LPAR5: variants seen among roughly 807,000 people sequenced by gnomAD.
The protein encoded by LPAR5 is lysophosphatidic acid receptor 5, also known as G protein-coupled receptor 92.
For missense variants in LPAR5, 544 were observed against 521.8 expected (o/e 1.04, Z -0.41); for synonymous variants, 271 against 261.6 (o/e 1.04, Z -0.35).
intron 1 of LPAR5, among the ~76,000 whole-genome samples, chr12:6,635,688 C>G (rs1011605403): frequency 1.3e-5 from 2 of 152,132 alleles, no homozygotes; most frequent in African/African-American, 4.8e-5. Flanking sequence ...CAAAGAGGAG[C>G]ACTCCCGAGG....
At position 6,620,990 on chromosome 12, in the gene LPAR5, A is replaced by G; in HGVS notation, c.259T>C (p.Trp87Arg). Residue 87 changes from tryptophan to arginine, a missense_variant, in exon 2 of 2, where the codon TGG becomes CGG. By Grantham distance (101) the Trp-to-Arg change is moderately radical. Transcript: ENST00000329858. This position sits in a 1 kb window ranked among gnomAD's most constrained non-coding sequence, Gnocchi z 6.8. The stretch of plus-strand genomic sequence containing the variant: ...TGGCACAGGAGGTCGGGGAAGGGCC[A>G]GTGGTGCAGTGCGTAGTAGGAGAGA... ...VRLSYYALHH[W>R]PFPDLLCQTT... is the part of the protein sequence containing the mutation. The G allele has an allele frequency of 6.2e-7, 1 of 1,613,564 alleles. No individual in the cohort carries two copies. The highest frequency in any genetic ancestry group is 8.5e-7 in the Non-Finnish European group (1 of 1,179,808).
Position 6,621,475 on chromosome 12 carries a change from A to T in LPAR5, c.-216-11T>A. Reference sequence around the variant, plus strand: ...ATCAGCAGCAGAGACCTGGAATAGGAAGGCAAGCCGGAAGTTATACAGAGA... The same window carrying T: ...ATCAGCAGCAGAGACCTGGAATAGGTAGGCAAGCCGGAAGTTATACAGAGA... On this transcript the variant is annotated splice_polypyrimidine_tract_variant and intron_variant, in intron 1 of 1. Coordinates refer to ENST00000329858, the MANE Select transcript of LPAR5 (RefSeq NM_020400.6). 2.3e-6 allele frequency: 1 copy of T among 431,658 alleles called. No individual in the cohort carries two copies. The highest frequency in any genetic ancestry group is 4.2e-6 in the Non-Finnish European group (1 of 238,040). The allele number at this position is 431,658 out of a possible 1,614,324, so 26.7% of individuals were successfully genotyped here. A position where few individuals can be genotyped will look rare whatever the true frequency, so the allele number is the denominator to read the frequency against.
At chr12:6,627,734 C>T (rs1020036836) in intron 1 of LPAR5, among the ~76,000 whole-genome samples, 2 of 152,132 alleles carry the variant, frequency 1.3e-5, no homozygotes, top group Non-Finnish European at 2.9e-5. Flanking sequence ...TGGGAGCGCA[C>T]CTTGCAGACA....
chr12:6,629,094 T>C (rs983866047), intron 1 of LPAR5, among the ~76,000 whole-genome samples: 7 of 145,364 alleles, frequency 4.8e-5, no homozygotes, highest in African/African-American at 1.8e-4. Flanking sequence ...AGTTACAATG[T>C]ACCGGGCACG....
intron 1 of LPAR5, among the ~76,000 whole-genome samples, chr12:6,625,533 A>G (rs900316574): frequency 2.0e-5 from 3 of 151,402 alleles, no homozygotes; most frequent in Admixed American, 6.6e-5. Context: ...CATCCTGGCT[A>G]ACATGGTGAA....
chr12:6,634,247 T>C (rs1948998005), intron 1 of LPAR5, among the ~76,000 whole-genome samples: 2 of 151,910 alleles, frequency 1.3e-5, no homozygotes, highest in Admixed American at 6.6e-5. Flanking sequence ...CCTTGTGATC[T>C]GCCCGCCTTG....
intron 1 of LPAR5, among the ~76,000 whole-genome samples, chr12:6,624,052 T>G (rs1422837244): frequency 1.3e-5 from 2 of 152,196 alleles, no homozygotes; most frequent in Non-Finnish European, 2.9e-5. Flanking sequence ...AGGGCTGGAT[T>G]TGTGGTCAAA....
At chr12:6,622,197 G>A (rs950362400) in intron 1 of LPAR5, among the ~76,000 whole-genome samples, 2 of 151,732 alleles carry the variant, frequency 1.3e-5, no homozygotes, top group African/African-American at 2.4e-5. Flanking sequence ...GCCGAGGCAG[G>A]TGGATCACCT....
Position 6,620,029 on chromosome 12 carries a change from G to C in LPAR5, c.*101C>G. ...TGCTAAGCTGGAATTGCCACCCAAAGGTCCAAGTGCCCAGCCCACCTTCTT... is the reference window on the plus strand; with the variant it reads ...TGCTAAGCTGGAATTGCCACCCAAACGTCCAAGTGCCCAGCCCACCTTCTT... On this transcript the variant is annotated 3_prime_UTR_variant, in exon 2 of 2. Coordinates refer to ENST00000329858, the MANE Select transcript of LPAR5 (RefSeq NM_020400.6). The surrounding 1 kb of genome is among the most constrained non-coding windows in gnomAD (Gnocchi z 6.8). 1 of 1,483,830 alleles carries C rather than the reference G, an allele frequency of 6.7e-7. No individual in the cohort carries two copies. Among genetic ancestry groups the C allele is most frequent in the Non-Finnish European group, 9.2e-7 (1 of 1,082,470 alleles). 91.9% of individuals were successfully genotyped at this position (1,483,830 alleles called of 1,614,324 possible).
chr12:6,635,036 G>A (rs1949001609), intron 1 of LPAR5, among the ~76,000 whole-genome samples: 1 of 148,328 alleles, frequency 6.7e-6, no homozygotes, highest in African/African-American at 2.5e-5. Flanking sequence ...GCAGTGAGCT[G>A]AGAGCGTGCC....
Position 6,620,590 on chromosome 12 carries a change from C to T in LPAR5, c.659G>A (p.Arg220His), listed in dbSNP as rs1592296186. 3 of 1,550,984 alleles carry T rather than the reference C, an allele frequency of 1.9e-6. No individual in the cohort carries two copies. Among genetic ancestry groups the T allele is most frequent in the Non-Finnish European group, 8.7e-7 (1 of 1,147,616 alleles). The change falls in exon 2 of 2, where the codon CGC (arginine) becomes CAC (histidine). Residue 220 changes from arginine (R) to histidine (H), a missense_variant. Transcript: ENST00000329858. This position sits in a 1 kb window ranked among gnomAD's most constrained non-coding sequence, Gnocchi z 6.8. ...SSGRVFWTLA[R>H]PDATQSQRRR... The stretch of plus-strand genomic sequence containing the variant: ...CCGCTGGCTCTGCGTGGCGTCGGGG[C>T]GCGCCAGCGTCCAGAAGACTCGGCC...
chr12:6,634,259 C>A (rs1948998109), intron 1 of LPAR5, among the ~76,000 whole-genome samples: 1 of 151,972 alleles, frequency 6.6e-6, no homozygotes, highest in Non-Finnish European at 1.5e-5. Flanking sequence ...CCCGCCTTGG[C>A]CTCCCAAAGT....
intron 1 of LPAR5, among the ~76,000 whole-genome samples, chr12:6,624,434 C>G (rs896594035): frequency 2.0e-5 from 3 of 152,178 alleles, no homozygotes; most frequent in East Asian, 1.9e-4. Context: ...GCAGTACTAC[C>G]CACCGCACCC....
intron 1 of LPAR5, among the ~76,000 whole-genome samples, chr12:6,625,159 T>C (rs1489481484): frequency 1.8e-4 from 27 of 150,518 alleles, no homozygotes; most frequent in Non-Finnish European, 3.0e-5. Context: ...GGCGTGGTGG[T>C]TCACGCTGGT....
intron 1 of LPAR5, among the ~76,000 whole-genome samples, chr12:6,629,280 G>C (rs1164491901): frequency 1.3e-5 from 2 of 151,448 alleles, no homozygotes; most frequent in Non-Finnish European, 2.9e-5. Flanking sequence ...GGAAGCTGAG[G>C]CAGGAGAATT....
In LPAR5 at chr12:6,620,570, G is replaced by T. The variant is rs964330682; in HGVS notation, c.679C>A (p.Gln227Lys). ...AGGCGCACGGTCTTCCGCCGCCGCT[G>T]GCTCTGCGTGGCGTCGGGGCGCGCC... ...TLARPDATQSQRRRKTVRLLL... is the reference protein window; with the variant it reads ...TLARPDATQSKRRRKTVRLLL... The change falls in exon 2 of 2, where the codon CAG (glutamine) becomes AAG (lysine). Residue 227 changes from glutamine (Q) to lysine (K), a missense_variant. Transcript: ENST00000329858. The surrounding 1 kb of genome is among the most constrained non-coding windows in gnomAD (Gnocchi z 6.8). 6 of 1,553,276 alleles carry T rather than the reference G, an allele frequency of 3.9e-6. No individual in the cohort carries two copies. The highest frequency in any genetic ancestry group is 5.2e-6 in the Non-Finnish European group (6 of 1,148,810).
Position 6,621,473 on chromosome 12 carries a change from G to GTCTTC in LPAR5, c.-216-10_-216-9insGAAGA. 2.3e-6 allele frequency: 1 copy of GTCTTC among 436,444 alleles called. No homozygotes were observed. Among genetic ancestry groups the GTCTTC allele is most frequent in the Non-Finnish European group, 4.1e-6 (1 of 241,242 alleles). 27.0% of individuals were successfully genotyped at this position (436,444 alleles called of 1,614,324 possible). ...TCATCAGCAGCAGAGACCTGGAATA[G>GTCTTC]GAAGGCAAGCCGGAAGTTATACAGA... On this transcript the variant is annotated splice_polypyrimidine_tract_variant and intron_variant, in intron 1 of 1. Coordinates refer to ENST00000329858, the MANE Select transcript of LPAR5 (RefSeq NM_020400.6).
chr12:6,626,393 A>G (rs1565387351), intron 1 of LPAR5, among the ~76,000 whole-genome samples: 2 of 152,234 alleles, frequency 1.3e-5, no homozygotes, highest in African/African-American at 4.8e-5. Flanking sequence ...GATTACAGGC[A>G]TGAGCCACTG....
rs542016996 is a variant in LPAR5, at chr12:6,634,000, T to A, written c.-217+1907A>T. On this transcript the variant is annotated intron_variant, in intron 1 of 1. Transcript: ENST00000329858. ...GCCTGGGCAGCATAGTGGGACCCCA[T>A]CTCTACAAAAAATATTTTTTTTTTG... is the stretch of plus-strand genomic sequence containing the variant. 4.6e-5 allele frequency among the ~76,000 whole-genome samples: 7 copies of A among 152,112 alleles called. No individual in the cohort carries two copies. In the East Asian group the frequency reaches 1.4e-3, roughly 30 times the overall value.
Sources: allele counts gnomAD v4.1 joint callset (sites outside exome capture counted in the v4.1 genomes callset), GRCh38; gene constraint gnomAD v4.1.1; non-coding constraint Gnocchi (gnomAD v3.1); transcripts MANE v1.5; gene names NCBI Gene and HGNC (gene_info 2026-07-23, HGNC 2026-07-21).